The following GRIN2A variants were observed in gnomAD, a reference collection of about 807,000 sequenced individuals.
GRIN2A encodes the protein glutamate receptor ionotropic, NMDA 2A.
Under a neutral mutation model 113.4 loss-of-function variants are expected in GRIN2A, and 22 were observed. The ratio of observed to expected loss-of-function variants is 0.19; its 90% CI spans 0.14 to 0.28. GRIN2A has a LOEUF of 0.28. Ranked by LOEUF, GRIN2A falls within the 10% of genes least tolerant of loss-of-function variation. The pLI, the probability that GRIN2A is intolerant of heterozygous loss-of-function variation, is 1.00. For synonymous variants in GRIN2A, 827 were observed against 738.4 expected, an observed-to-expected ratio of 1.12 and a Z score of -1.94; for missense variants, 1,502 against 1,887.0, an observed-to-expected ratio of 0.80 and a Z score of 3.78.
At chr16:9,867,996 C>T (rs1316735897) in intron 4 of GRIN2A, among the ~76,000 whole-genome samples, 18 of 152,066 alleles carry the variant, frequency 1.2e-4, no homozygotes, top group Admixed American at 1.0e-3. Context: ...AGTTTCTCTC[C>T]CATCTGCCAT....
chr16:9,769,488 T>C (rs375586849), intron 11 of GRIN2A, among the ~76,000 whole-genome samples: 67 of 149,700 alleles, frequency 4.5e-4, no homozygotes, highest in African/African-American at 1.5e-3. Context: ...TATTATGTTT[T>C]TCTGACCTTG....
chr16:9,859,931 A>G (rs1211065801), intron 4 of GRIN2A, among the ~76,000 whole-genome samples: 1 of 150,878 alleles, frequency 6.6e-6, no homozygotes, highest in African/African-American at 2.4e-5. Flanking sequence ...AGTGCTTTCC[A>G]CTGTGCCGGG....
chr16:9,966,298 T>G (rs2045555562), intron 2 of GRIN2A, among the ~76,000 whole-genome samples: 1 of 152,164 alleles, frequency 6.6e-6, no homozygotes, highest in Admixed American at 6.6e-5. Flanking sequence ...GGCCCCATTG[T>G]GTGTTTTTCC....
chr16:9,776,679 G>A (rs1172018352), intron 11 of GRIN2A, among the ~76,000 whole-genome samples: 2 of 152,098 alleles, frequency 1.3e-5, no homozygotes, highest in Non-Finnish European at 2.9e-5. Flanking sequence ...GACGTCAGAA[G>A]GTTGTTGCTG....
At position 9,762,258 on chromosome 16, in the gene GRIN2A, G is replaced by A. The variant is rs952566811; in HGVS notation, c.*891C>T. The A allele has an allele frequency of 8.9e-6, 2 of 225,742 alleles. No homozygotes were observed. The highest frequency in any genetic ancestry group is 1.8e-5 in the Non-Finnish European group (2 of 113,058). 14.0% of individuals were successfully genotyped at this position (225,742 alleles called of 1,614,324 possible). ...ATACAACCCTGAGTCATCACCAGAA[G>A]GGAGGAAATGCAAACTTACGTACAT... On this transcript the variant is annotated 3_prime_UTR_variant, in exon 13 of 13. Coordinates refer to ENST00000330684, the MANE Select transcript of GRIN2A (RefSeq NM_001134407.3).
intron 2 of GRIN2A, among the ~76,000 whole-genome samples, chr16:9,959,554 T>C (rs950958949): frequency 4.6e-5 from 7 of 152,248 alleles, no homozygotes; most frequent in Non-Finnish European, 8.8e-5. Flanking sequence ...ACTCTTCACC[T>C]GGGATGATTT....
chr16:9,871,589 C>A (rs1481231715), intron 4 of GRIN2A, among the ~76,000 whole-genome samples: 1 of 152,156 alleles, frequency 6.6e-6, no homozygotes, highest in Non-Finnish European at 1.5e-5. Context: ...GCATGTATAT[C>A]ATTTATGATG....
intron 2 of GRIN2A, among the ~76,000 whole-genome samples, chr16:10,130,603 G>A (rs1371724472): frequency 2.6e-5 from 4 of 152,176 alleles, no homozygotes; most frequent in South Asian, 2.1e-4. Flanking sequence ...AATGCCAAAA[G>A]GAGGAATTCT....
At chr16:10,057,958 T>C (rs1038969369) in intron 2 of GRIN2A, among the ~76,000 whole-genome samples, 1 of 151,876 alleles carries the variant, frequency 6.6e-6, no homozygotes, top group Admixed American at 6.6e-5. Flanking sequence ...GTCAAATAAG[T>C]AAAATAAAAT....
chr16:9,874,009 A>G (rs2043316065), intron 4 of GRIN2A, among the ~76,000 whole-genome samples: 1 of 152,006 alleles, frequency 6.6e-6, no homozygotes, highest in Non-Finnish European at 1.5e-5. Flanking sequence ...TCATTCTACA[A>G]CTCCCTTTAA....
intron 9 of GRIN2A, among the ~76,000 whole-genome samples, chr16:9,823,139 C>A (rs1378987449): frequency 6.6e-6 from 1 of 152,188 alleles, no homozygotes; most frequent in African/African-American, 2.4e-5. Flanking sequence ...GTCCATGCAT[C>A]ACCAGTCTTC....
intron 2 of GRIN2A, among the ~76,000 whole-genome samples, chr16:10,041,339 G>A (rs72772356): frequency 0.086 from 13,054 of 152,108 alleles, 620 homozygotes; most frequent in South Asian, 0.13. Context: ...GGTGGGGTGT[G>A]GGCTTGATAA....
chr16:9,796,830 G>A (rs1265930651), intron 11 of GRIN2A, among the ~76,000 whole-genome samples: 1 of 152,150 alleles, frequency 6.6e-6, no homozygotes, highest in African/African-American at 2.4e-5. Context: ...GCTTACTGTT[G>A]TACGCCTCTA....
At chr16:10,053,833 G>T (rs953545003) in intron 2 of GRIN2A, among the ~76,000 whole-genome samples, 1 of 151,972 alleles carries the variant, frequency 6.6e-6, no homozygotes, top group Non-Finnish European at 1.5e-5. Context: ...ATTTGAATAT[G>T]GAATGACAAT....
intron 2 of GRIN2A, among the ~76,000 whole-genome samples, chr16:10,170,174 A>G (rs1289181499): frequency 3.3e-5 from 5 of 152,200 alleles, no homozygotes; most frequent in Non-Finnish European, 5.9e-5. Context: ...TGCATCTATG[A>G]GCCAGATTCA....
intron 2 of GRIN2A, among the ~76,000 whole-genome samples, chr16:10,056,918 C>T (rs1047242789): frequency 6.6e-6 from 1 of 152,064 alleles, no homozygotes; most frequent in Admixed American, 6.6e-5. Context: ...TGTTGAGCAG[C>T]CCTAGGAAAC....
intron 2 of GRIN2A, among the ~76,000 whole-genome samples, chr16:10,035,373 C>T (rs2047006062): frequency 6.6e-6 from 1 of 152,132 alleles, no homozygotes; most frequent in South Asian, 2.1e-4. Context: ...TCTCACCCTC[C>T]TCTCCATATA....
At chr16:10,015,942 C>G (rs1276479230) in intron 2 of GRIN2A, among the ~76,000 whole-genome samples, 1 of 151,920 alleles carries the variant, frequency 6.6e-6, no homozygotes, top group Non-Finnish European at 1.5e-5. Context: ...ATGATAAAAC[C>G]CCGTCTCTAC....
chr16:9,795,284 C>T (rs1421854990), intron 11 of GRIN2A, among the ~76,000 whole-genome samples: 1 of 152,098 alleles, frequency 6.6e-6, no homozygotes, highest in Non-Finnish European at 1.5e-5. Flanking sequence ...ACCAAGATGG[C>T]CATGAGAGGG....
Sources: allele counts gnomAD v4.1 joint callset (sites outside exome capture counted in the v4.1 genomes callset), GRCh38; gene constraint gnomAD v4.1.1; transcripts MANE v1.5; gene names NCBI Gene and HGNC (gene_info 2026-07-23, HGNC 2026-07-21).